PAM16: variants seen among roughly 807,000 people sequenced by gnomAD.
PAM16 encodes the protein presequence translocase associated motor 16.
PAM16 carries 11 observed loss-of-function variants against 17.9 expected under a neutral mutation model. That is an observed-to-expected ratio of 0.62 (90% CI 0.39 to 1.02). The LOEUF (loss-of-function observed/expected upper bound fraction) is 1.02. PAM16 is among the 50% of genes least tolerant of loss of function. PAM16 has a pLI of 0.01. For missense variants in PAM16, 199 were observed against 165.4 expected (o/e 1.20, Z -1.11); for synonymous variants, 72 against 67.4 (o/e 1.07, Z -0.34).
Position 4,349,024 on chromosome 16 carries a change from C to T in PAM16, c.3+2208G>A, listed in dbSNP as rs376358602. ...GGCCGGAGTGCAGTAGCGCGACCTT[C>T]GGCTCACTGCAAGCTCGGCCTCCCG... On this transcript the variant is annotated intron_variant, in intron 1 of 4. Coordinates refer to ENST00000318059, the MANE Select transcript of PAM16 (RefSeq NM_016069.11). Among the ~76,000 whole-genome samples, 487 of 146,222 alleles carry T rather than the reference C, an allele frequency of 3.3e-3. 7 individuals carry two copies. The highest frequency in any genetic ancestry group is 0.012 in the African/African-American group (470 of 39,292).
intron 1 of PAM16, among the ~76,000 whole-genome samples, chr16:4,344,515 T>A (rs867248403): frequency 6.4e-4 from 3 of 4,706 alleles, no homozygotes; most frequent in South Asian, 6.8e-3. Flanking sequence ...GAGGGGGTTC[T>A]GTGAGAGAAG....
At chr16:4,350,479 C>T (rs1411389998) in intron 1 of PAM16, among the ~76,000 whole-genome samples, 2 of 152,028 alleles carry the variant, frequency 1.3e-5, no homozygotes, top group Admixed American at 1.3e-4. Context: ...CGGCTCATTG[C>T]AACCTCTGTC....
chr16:4,344,223 AGAG>A (rs2053699238), intron 1 of PAM16: 1 of 126,360 alleles, frequency 7.9e-6, no homozygotes, highest in Non-Finnish European at 1.4e-5. Flanking sequence ...GCGTTCCGTG[AGAG>A]GAGGGGGTTC....
At chr16:4,351,194 G>C in intron 1 of PAM16, 38 bp downstream of exon 1, 2 of 1,306,624 alleles carry the variant, frequency 1.5e-6, no homozygotes, top group Non-Finnish European at 2.0e-6. Context: ...GGCCCGACTC[G>C]GCTTCCCCTC....
chr16:4,341,331 C>G, intron 3 of PAM16, 37 bp downstream of exon 3: 1 of 1,547,358 alleles, frequency 6.5e-7, no homozygotes, highest in Non-Finnish European at 8.7e-7. Context: ...CTGGCAGCCT[C>G]TCCCTCTCAA....
rs11547770 is a variant in PAM16 at position 4,341,425 on chromosome 16, G to A, written c.168C>T (p.Leu56=). The A allele has an allele frequency of 6.2e-7, 1 of 1,606,136 alleles. No homozygotes were observed. Among genetic ancestry groups the A allele is most frequent in the Non-Finnish European group, 8.5e-7 (1 of 1,177,128 alleles). The change falls in exon 3 of 5, where the codon CTC becomes CTT. Residue 56 remains leucine (L), a synonymous_variant. Coordinates refer to ENST00000318059, the MANE Select transcript of PAM16 (RefSeq NM_016069.11). ...CGTTGAGAATCTGCTGTGCCTCCTG[G>A]AGGCTGAGGCCGGAGAGGTTGGAAG... The part of the protein sequence containing the change: ...AAASNLSGLS[L]QEAQQILNVS...
intron 1 of PAM16, chr16:4,347,563 G>A (rs1490384680): frequency 6.6e-6 from 1 of 152,378 alleles, no homozygotes; most frequent in Non-Finnish European, 1.5e-5. Context: ...TCCAGAACTA[G>A]GCGGTGCAGG....
Position 4,340,421 on chromosome 16 carries a change from T to A in PAM16, c.292-16A>T. On this transcript the variant is annotated splice_polypyrimidine_tract_variant and intron_variant, in intron 4 of 4. Transcript: ENST00000318059. The stretch of plus-strand genomic sequence containing the variant: ...CGCGGACCACCTAGTGGGTCACGGA[T>A]AATCAGGCCGGGAGGCCAAGCCTCC... 6.2e-7 allele frequency: 1 copy of A among 1,608,356 alleles called. No homozygotes were observed. Among genetic ancestry groups the A allele is most frequent in the East Asian group, 2.2e-5 (1 of 44,806 alleles).
chr16:4,341,689 A>G, intron 2 of PAM16, 185 bp from the exon 3 acceptor site: 1 of 995,762 alleles, frequency 1.0e-6, no homozygotes. Flanking sequence ...AAGTGAGGAC[A>G]GACGTGCCTC....
intron 4 of PAM16, 60 bp downstream of exon 4, chr16:4,340,859 GC>G: frequency 6.3e-7 from 1 of 1,595,230 alleles, no homozygotes; most frequent in Middle Eastern, 1.7e-4. Flanking sequence ...TAGGAATTGA[GC>G]CCCAGGTGAG....
At position 4,348,953 on chromosome 16, in the gene PAM16, CT is replaced by C. The variant is rs1219395068; in HGVS notation, c.3+2278del. Among the ~76,000 whole-genome samples, 202 of 114,244 alleles carry C rather than the reference CT, an allele frequency of 1.8e-3. 1 individual carries two copies. Among genetic ancestry groups the C allele is most frequent in the Non-Finnish European group, 2.3e-3 (127 of 55,878 alleles). The allele number at this position is 114,244 out of a possible 152,430, so 74.9% of individuals were successfully genotyped here. On this transcript the variant is annotated intron_variant, in intron 1 of 4. Coordinates refer to ENST00000318059, the MANE Select transcript of PAM16 (RefSeq NM_016069.11). ...GCCACCGTACCCGGCCTAGCACTTT[CT>C]TTTTTTTTTTTTTTTTTTGAGACGG...
intron 1 of PAM16, chr16:4,343,897 T>C (rs1297396524): frequency 1.3e-5 from 5 of 397,076 alleles, no homozygotes; most frequent in Admixed American, 4.4e-5. Flanking sequence ...TGAGGGAGAG[T>C]CAGGCTCGTT....
At position 4,350,661 on chromosome 16, in the gene PAM16, G is replaced by C. The variant is rs1416236794; in HGVS notation, c.3+571C>G. On this transcript the variant is annotated intron_variant, in intron 1 of 4. Coordinates refer to ENST00000318059, the MANE Select transcript of PAM16 (RefSeq NM_016069.11). The stretch of plus-strand genomic sequence containing the variant: ...CGTGATCCGCCGCCTCGGCCTCCCA[G>C]AGTGCTGGGATTACAGGCGTGAGCC... 1.3e-5 allele frequency among the ~76,000 whole-genome samples: 2 copies of C among 152,088 alleles called. 1 individual carries two copies. Among genetic ancestry groups the C allele is most frequent in the Admixed American group, 1.3e-4 (2 of 15,266 alleles).
intron 3 of PAM16, 131 bp downstream of exon 3, chr16:4,341,237 C>T: frequency 1.4e-6 from 2 of 1,425,730 alleles, no homozygotes; most frequent in Non-Finnish European, 1.9e-6. Flanking sequence ...AACAGTGGCT[C>T]CCGAAAGTTG....
intron 1 of PAM16, among the ~76,000 whole-genome samples, chr16:4,349,120 TA>T: frequency 6.6e-6 from 1 of 152,058 alleles, no homozygotes; most frequent in African/African-American, 2.4e-5. Context: ...CACACCCGGC[TA>T]ATTTTTTGTA....
rs766841845 is a variant in PAM16, at chr16:4,341,401, G to A, written c.192C>T (p.Asn64=). 9 of 1,595,448 alleles carry A rather than the reference G, an allele frequency of 5.6e-6. No individual in the cohort carries two copies. Among genetic ancestry groups the A allele is most frequent in the East Asian group, 4.5e-5 (2 of 44,206 alleles). The change falls in exon 3 of 5, where the codon AAC becomes AAT. Residue 64 remains asparagine (N), a synonymous_variant. Coordinates refer to ENST00000318059, the MANE Select transcript of PAM16 (RefSeq NM_016069.11). ...CCTCCTCAGGGCTCAGCTTGGACAC[G>A]TTGAGAATCTGCTGTGCCTCCTGGA... ...LSLQEAQQIL[N]VSKLSPEEVQ...
At chr16:4,348,323 C>CCATCT (rs2053789937) in intron 1 of PAM16, 1 of 152,214 alleles carries the variant, frequency 6.6e-6, no homozygotes, top group African/African-American at 2.4e-5. Context: ...AACCCTTCTG[C>CCATCT]GGGAGGGTTC....
intron 1 of PAM16, among the ~76,000 whole-genome samples, chr16:4,350,007 C>T (rs1366585652): frequency 6.6e-6 from 1 of 152,126 alleles, no homozygotes; most frequent in Admixed American, 6.5e-5. Context: ...ATCCTTATTA[C>T]TATGTTAGTT....
At chr16:4,347,496 C>G (rs1234845438) in intron 1 of PAM16, 2 of 152,246 alleles carry the variant, frequency 1.3e-5, no homozygotes, top group Non-Finnish European at 2.9e-5. Flanking sequence ...CACAAGAGGA[C>G]AGTAAGGCCC....
Sources: gnomAD v4.1 joint callset for allele counts (sites outside exome capture counted in the v4.1 genomes callset) on GRCh38, gnomAD v4.1.1 for gene constraint, MANE v1.5 for transcripts, NCBI Gene and HGNC (gene_info 2026-07-23, HGNC 2026-07-21) for gene names.